The following ZNF385B variants were observed in gnomAD, a reference collection of about 807,000 sequenced individuals.
ZNF385B encodes the protein zinc finger protein 533.
Under a neutral mutation model 39.2 loss-of-function variants are expected in ZNF385B, and 23 were observed. That is an observed-to-expected ratio of 0.59 (90% confidence interval 0.42 to 0.83). The LOEUF (loss-of-function observed/expected upper bound fraction) is 0.83, where lower values mean the gene tolerates loss of function less well. Ranked by LOEUF, ZNF385B falls within the 40% of genes least tolerant of loss-of-function variation. The pLI, the probability that ZNF385B is intolerant of heterozygous loss-of-function variation, is 0.00. For synonymous variants in ZNF385B, 205 were observed against 222.6 expected (o/e 0.92, Z 0.70); for missense variants, 552 against 598.9 (o/e 0.92, Z 0.82).
intron 3 of ZNF385B, among the ~76,000 whole-genome samples, chr2:179,739,892 T>G (rs1701987395): frequency 6.6e-6 from 1 of 152,092 alleles, no homozygotes; most frequent in South Asian, 2.1e-4. Context: ...CTTACCTTAC[T>G]AAATCACACA....
chr2:179,791,582 C>A (rs544890525), intron 1 of ZNF385B, among the ~76,000 whole-genome samples: 14 of 152,218 alleles, frequency 9.2e-5, no homozygotes, highest in African/African-American at 3.4e-4. Flanking sequence ...AGGCGCTTGT[C>A]TTAAGTGTGA....
chr2:179,849,997 G>C (rs1708996699), intron 1 of ZNF385B, among the ~76,000 whole-genome samples: 1 of 152,194 alleles, frequency 6.6e-6, no homozygotes, highest in African/African-American at 2.4e-5. Context: ...GCAAACAGTT[G>C]CAGAACTCTG....
intron 3 of ZNF385B, chr2:179,576,232 G>A (rs1685796127): frequency 3.1e-6 from 3 of 962,188 alleles, no homozygotes; most frequent in Non-Finnish European, 3.7e-6. Flanking sequence ...TAATCTCTTT[G>A]GATCCATCTC....
chr2:179,843,394 T>C (rs1449447396), intron 1 of ZNF385B, among the ~76,000 whole-genome samples: 1 of 152,234 alleles, frequency 6.6e-6, no homozygotes, highest in South Asian at 2.1e-4. Context: ...CTTCCTTGAA[T>C]AAGTTTAGAT....
chr2:179,501,579 G>A (rs746694982), intron 5 of ZNF385B, among the ~76,000 whole-genome samples: 5 of 152,104 alleles, frequency 3.3e-5, no homozygotes, highest in Non-Finnish European at 7.4e-5. Context: ...ACCAGAGGCT[G>A]GAAGGGTAGC....
At chr2:179,465,409 T>C (rs921238344) in intron 6 of ZNF385B, among the ~76,000 whole-genome samples, 1 of 152,184 alleles carries the variant, frequency 6.6e-6, no homozygotes, top group Non-Finnish European at 1.5e-5. Flanking sequence ...TTTCCACCAA[T>C]ACTCTATAGG....
At chr2:179,597,825 T>C (rs1202781451) in intron 3 of ZNF385B, among the ~76,000 whole-genome samples, 1 of 152,144 alleles carries the variant, frequency 6.6e-6, no homozygotes, top group Non-Finnish European at 1.5e-5. Context: ...TGGTTTGAAG[T>C]TCAAATTCTA....
At chr2:179,780,813 T>C (rs1159501894) in intron 1 of ZNF385B, among the ~76,000 whole-genome samples, 1 of 152,260 alleles carries the variant, frequency 6.6e-6, no homozygotes, top group African/African-American at 2.4e-5. Context: ...TAATTTAGGA[T>C]AACTTATTCC....
chr2:179,477,891 A>T (rs62177230), intron 6 of ZNF385B, among the ~76,000 whole-genome samples: 9,453 of 152,290 alleles, frequency 0.062, 393 homozygotes, highest in South Asian at 0.14. Flanking sequence ...CAAAGCCTTG[A>T]TGGTCCCTTC....
chr2:179,687,225 G>C (rs1052425236), intron 3 of ZNF385B, among the ~76,000 whole-genome samples: 1 of 150,624 alleles, frequency 6.6e-6, no homozygotes, highest in African/African-American at 2.4e-5. Flanking sequence ...AACTCTCCAG[G>C]GGGAAGACGA....
chr2:179,818,962 C>T (rs11892944), intron 1 of ZNF385B, among the ~76,000 whole-genome samples: 5,176 of 151,386 alleles, frequency 0.034, 111 homozygotes, highest in African/African-American at 0.067. Context: ...TTTTGGAATT[C>T]GGCTATTATT....
intron 3 of ZNF385B, among the ~76,000 whole-genome samples, chr2:179,701,900 A>G (rs1699231946): frequency 6.6e-6 from 1 of 152,224 alleles, no homozygotes; most frequent in Non-Finnish European, 1.5e-5. Context: ...GTGGAAAGGA[A>G]TGGGCACCAA....
intron 5 of ZNF385B, among the ~76,000 whole-genome samples, chr2:179,484,547 T>G (rs979469380): frequency 2.6e-5 from 4 of 151,228 alleles, no homozygotes; most frequent in Non-Finnish European, 2.9e-5. Context: ...AAATGAACCT[T>G]TCCACTCATT....
chr2:179,678,486 T>C (rs553358895), intron 3 of ZNF385B, among the ~76,000 whole-genome samples: 1 of 152,278 alleles, frequency 6.6e-6, no homozygotes, highest in African/African-American at 2.4e-5. Flanking sequence ...GCTTGGGATG[T>C]AATTACTGGT....
intron 3 of ZNF385B, among the ~76,000 whole-genome samples, chr2:179,738,941 A>T (rs1480254378): frequency 6.6e-6 from 1 of 152,206 alleles, no homozygotes; most frequent in Non-Finnish European, 1.5e-5. Context: ...TTCAGTCCAG[A>T]GTTTTCTACT....
chr2:179,647,894 C>A (rs983601996), intron 3 of ZNF385B, among the ~76,000 whole-genome samples: 1 of 152,122 alleles, frequency 6.6e-6, no homozygotes, highest in Non-Finnish European at 1.5e-5. Flanking sequence ...TTTTCTTGAG[C>A]AATTCCTTTC....
intron 3 of ZNF385B, among the ~76,000 whole-genome samples, chr2:179,758,920 A>AT (rs945700329): frequency 6.6e-6 from 1 of 152,062 alleles, no homozygotes; most frequent in Admixed American, 6.6e-5. Flanking sequence ...TTGTTTTAAA[A>AT]TTTTTTCTGA....
intron 3 of ZNF385B, among the ~76,000 whole-genome samples, chr2:179,656,163 G>C (rs906439621): frequency 6.6e-6 from 1 of 152,004 alleles, no homozygotes; most frequent in African/African-American, 2.4e-5. Context: ...TTTTTCTATA[G>C]TAAGTTTTAA....
intron 1 of ZNF385B, among the ~76,000 whole-genome samples, chr2:179,858,659 G>A (rs1332680117): frequency 6.6e-6 from 1 of 152,042 alleles, no homozygotes; most frequent in Non-Finnish European, 1.5e-5. Flanking sequence ...GCAAAATAGA[G>A]ATAATGAAAC....
Sources: gnomAD v4.1 joint callset for allele counts (sites outside exome capture counted in the v4.1 genomes callset) on GRCh38, gnomAD v4.1.1 for gene constraint, MANE v1.5 for transcripts, NCBI Gene and HGNC (gene_info 2026-07-23, HGNC 2026-07-21) for gene names.